The following SZT2 variants were observed in gnomAD, a reference collection of about 807,000 sequenced individuals.
SZT2 encodes SZT2 subunit of KICSTOR complex, also known as KICSTOR complex protein SZT2.
A neutral mutation model predicts 404.2 loss-of-function variants in SZT2; 216 were observed. That is an observed-to-expected ratio of 0.53 (90% confidence interval 0.48 to 0.60). The LOEUF (loss-of-function observed/expected upper bound fraction) is 0.60, where lower values mean the gene tolerates loss of function less well. Among genes scored for constraint, SZT2 ranks in the 20% least tolerant of loss-of-function variants. The pLI, the probability that SZT2 is intolerant of heterozygous loss-of-function variation, is 0.00. For synonymous variants in SZT2, 1,693 were observed against 1,749.9 expected (o/e 0.97, Z 0.81); for missense variants, 3,857 against 4,459.2 (o/e 0.86, Z 3.85).
chr1:43,428,110 A>T lies in SZT2; in HGVS notation c.3911A>T (p.Tyr1304Phe). The T allele has an allele frequency of 2.5e-6, 4 of 1,613,808 alleles. No individual in the cohort carries two copies. Among genetic ancestry groups the T allele is most frequent in the Non-Finnish European group, 2.5e-6 (3 of 1,179,758 alleles). Residue 1304 changes from tyrosine (Y) to phenylalanine (F), a missense_variant, in exon 27 of 72, where the codon TAT becomes TTT. Physicochemically the swap from Tyr to Phe is conservative, Grantham distance 22. Transcript: ENST00000634258. ...CTGCAGGAGCATGCACAGCGGTGCT[A>T]TGTCCGTGGTGAGCAGGAGGGCCGT... ...ALLQEHAQRC[Y>F]VRGLFRSLQQ...
chr1:43,440,015 C>G lies in SZT2; in HGVS notation c.7177C>G (p.Pro2393Ala). ...TGCCATCATCGAGCTTCAGCTGCTG[C>G]CAGCTTCACTATGTACAGAGGACAC... The part of the protein sequence containing the change: ...ADAIIELQLL[P>A]ASLCTEDTPT... Residue 2393 changes from proline (P) to alanine (A), a missense_variant, in exon 51 of 72, where the codon CCA (proline) becomes GCA (alanine). Physicochemically the swap from Pro to Ala is conservative, Grantham distance 27. Around this residue, in one of 7 missense-constraint regions of SZT2, gnomAD observed 573 missense variants for 592.4 expected, o/e 0.97. Coordinates refer to ENST00000634258, the MANE Select transcript of SZT2 (RefSeq NM_001365999.1). 1 of 1,614,070 alleles carries G rather than the reference C, an allele frequency of 6.2e-7. No homozygotes were observed.
At position 43,452,986 on chromosome 1, in the gene SZT2, C is replaced by T; in HGVS notation, c.*2506C>T. The T allele has an allele frequency of 1.3e-6, 2 of 1,598,182 alleles. No individual in the cohort carries two copies. Among genetic ancestry groups the T allele is most frequent in the Non-Finnish European group, 1.7e-6 (2 of 1,168,658 alleles). ...TGCAAGGAACACTCAACTTCCTGCC[C>T]ATCAAGCAATGCCCACTCCTTGAAG... On this transcript the variant is annotated 3_prime_UTR_variant, in exon 72 of 72. Coordinates refer to ENST00000634258, the MANE Select transcript of SZT2 (RefSeq NM_001365999.1).
chr1:43,399,798 C>A (rs1324098765), intron 1 of SZT2, among the ~76,000 whole-genome samples: 1 of 151,776 alleles, frequency 6.6e-6, no homozygotes, highest in Non-Finnish European at 1.5e-5. Context: ...TATAATGTTA[C>A]TGTCTTGTGG....
chr1:43,444,192 G>A (rs1221395636), intron 62 of SZT2, among the ~76,000 whole-genome samples: 1 of 152,074 alleles, frequency 6.6e-6, no homozygotes, highest in African/African-American at 2.4e-5. Flanking sequence ...CACCTCCTGG[G>A]TTCGAGCAAT....
At position 43,430,691 on chromosome 1, in the gene SZT2, T is replaced by G. The variant is rs1020843948; in HGVS notation, c.4676T>G (p.Leu1559Arg). The G allele has an allele frequency of 1.9e-6, 3 of 1,614,044 alleles. No homozygotes were observed. The highest frequency in any genetic ancestry group is 2.5e-6 in the Non-Finnish European group (3 of 1,180,032). The change falls in exon 32 of 72, where the codon CTT becomes CGT. Residue 1559 changes from leucine to arginine, a missense_variant. This residue lies in a region of SZT2 where 1,725 missense variants were observed against 1,881.0 expected (regional missense o/e 0.92). Transcript: ENST00000634258. ...TCACCCACTGGGCCTGAGAGCTTCC[T>G]TCATGACCTGCCACCGCTCTTCCTG... The part of the protein sequence containing the change: ...GDSPTGPESF[L>R]HDLPPLFLHL...
intron 7 of SZT2, among the ~76,000 whole-genome samples, chr1:43,417,452 A>G (rs1001117579): frequency 6.6e-6 from 1 of 152,190 alleles, no homozygotes; most frequent in African/African-American, 2.4e-5. Flanking sequence ...TGAGGATAAG[A>G]TGATGAATGC....
intron 4 of SZT2, among the ~76,000 whole-genome samples, chr1:43,414,521 C>T (rs1651470383): frequency 6.6e-6 from 1 of 151,974 alleles, no homozygotes; most frequent in Admixed American, 6.6e-5. Context: ...TTCCAGGTCC[C>T]AGTTAAGCAA....
chr1:43,416,206 G>T, intron 6 of SZT2, 105 bp downstream of exon 6: 1 of 1,410,240 alleles, frequency 7.1e-7, no homozygotes. Flanking sequence ...GGGCCCCAGG[G>T]AAGAGGATCT....
At position 43,394,042 on chromosome 1, in the gene SZT2, ACT is replaced by A. The variant is rs916521627; in HGVS notation, c.27+4050_27+4051del. 10 of 982,294 alleles carry A rather than the reference ACT, an allele frequency of 1.0e-5. No homozygotes were observed. In the Admixed American group the frequency reaches 6.2e-4, roughly 60 times the overall value. The allele number at this position is 982,294 out of a possible 1,614,324, so 60.8% of individuals were successfully genotyped here. On this transcript the variant is annotated intron_variant, in intron 1 of 71. Transcript: ENST00000634258. ...TCTACTTTGTCTTCCTTGCCAGACT[ACT>A]CTGAGAGTAATGAACTTCAGACTCA... is the stretch of plus-strand genomic sequence containing the variant.
At chr1:43,429,498 GGAAA>G (rs1653595192) in intron 28 of SZT2, 1 of 589,854 alleles carries the variant, frequency 1.7e-6, no homozygotes, top group Non-Finnish European at 3.0e-6. Flanking sequence ...CCAAAAAAAA[GGAAA>G]GAAAAAAGAA....
intron 1 of SZT2, among the ~76,000 whole-genome samples, chr1:43,390,338 T>G (rs1473248260): frequency 2.0e-5 from 3 of 152,268 alleles, no homozygotes; most frequent in African/African-American, 4.8e-5. Context: ...AGATTTACTT[T>G]GCTGGTTTTT....
At chr1:43,410,788 A>G (rs1382680859) in intron 4 of SZT2, among the ~76,000 whole-genome samples, 1 of 152,046 alleles carries the variant, frequency 6.6e-6, no homozygotes, top group African/African-American at 2.4e-5. Context: ...TCATCTCACT[A>G]CAGGCCTTTG....
chr1:43,453,940 A>C lies in SZT2; in HGVS notation c.*3460A>C. ...TGGTTAGAAAAGCGAAGTGCTGTAA[A>C]AACCCGGGCCTTCACGAAAAGCGCC... is the stretch of plus-strand genomic sequence containing the variant. On this transcript the variant is annotated 3_prime_UTR_variant, in exon 72 of 72. Transcript: ENST00000634258. 8.3e-7 allele frequency: 1 copy of C among 1,202,138 alleles called. No homozygotes were observed. The highest frequency in any genetic ancestry group is 1.0e-6 in the Non-Finnish European group (1 of 969,118). 74.5% of individuals were successfully genotyped at this position (1,202,138 alleles called of 1,614,324 possible).
chr1:43,435,092 A>G (rs1222008819), intron 41 of SZT2, 108 bp from the exon 42 acceptor site: 9 of 1,317,846 alleles, frequency 6.8e-6, no homozygotes, highest in East Asian at 2.3e-5. Context: ...TTGACCTCCA[A>G]TCCCCAGTGA....
chr1:43,448,418 G>A lies in SZT2; in HGVS notation c.9903G>A (p.Leu3301=), dbSNP rs1174406970. The change falls in exon 69 of 72, where the codon CTG becomes CTA. Residue 3301 remains leucine (L), a synonymous_variant. Coordinates refer to ENST00000634258, the MANE Select transcript of SZT2 (RefSeq NM_001365999.1). The surrounding 1 kb of genome is among the most constrained non-coding windows in gnomAD (Gnocchi z 4.2). The part of the protein sequence containing the change: ...DRLRLGGRLA[L]AELEELLEAV... ...TGCGGCTAGGGGGGCGCCTGGCCCT[G>A]GCAGAGCTGGAGGAACTCCTAGAAG... 6.3e-7 allele frequency: 1 copy of A among 1,593,740 alleles called. No homozygotes were observed. The highest frequency in any genetic ancestry group is 8.5e-7 in the Non-Finnish European group (1 of 1,170,326).
chr1:43,421,724 G>A (rs1290019016), intron 11 of SZT2, among the ~76,000 whole-genome samples: 5 of 152,232 alleles, frequency 3.3e-5, no homozygotes, highest in Non-Finnish European at 7.3e-5. Flanking sequence ...CTCAGTCCAC[G>A]CTGTCAGCCT....
In SZT2 at chr1:43,434,477, G is replaced by A. The variant is rs1297183193; in HGVS notation, c.5896G>A (p.Val1966Ile). 6.3e-7 allele frequency: 1 copy of A among 1,593,314 alleles called. No homozygotes were observed. Among genetic ancestry groups the A allele is most frequent in the South Asian group, 1.2e-5 (1 of 86,796 alleles). Residue 1966 changes from valine to isoleucine, a missense_variant, in exon 41 of 72, where the codon GTC (valine) becomes ATC (isoleucine). Physicochemically the swap from Val to Ile is conservative, Grantham distance 29. Transcript: ENST00000634258. ...GCGAGTTGGGGAGATCTGCAGGGAG[G>A]TCAACCAGGTAAGGGGCAGGACTCT... ...VRRVGEICRE[V>I]NQRLLLQDLH...
At chr1:43,415,257 G>A (rs781716762) in intron 5 of SZT2, 44 bp downstream of exon 5, 25 of 1,593,426 alleles carry the variant, frequency 1.6e-5, no homozygotes, top group Non-Finnish European at 1.9e-5. Context: ...AGAAAGAGGA[G>A]CAGCTAAGGA....
At chr1:43,408,406 G>A (rs1189657495) in intron 4 of SZT2, among the ~76,000 whole-genome samples, 3 of 152,038 alleles carry the variant, frequency 2.0e-5, no homozygotes, top group Non-Finnish European at 4.4e-5. Context: ...AGGACTACAG[G>A]TGCATGCCAC....
Sources: allele counts gnomAD v4.1 joint callset (sites outside exome capture counted in the v4.1 genomes callset), GRCh38; gene constraint gnomAD v4.1.1; regional missense constraint gnomAD v4.1.1; non-coding constraint Gnocchi (gnomAD v3.1); transcripts MANE v1.5; gene names NCBI Gene and HGNC (gene_info 2026-07-23, HGNC 2026-07-21).